EMILIN3: variants seen among roughly 807,000 people sequenced by gnomAD.
EMILIN3 encodes the protein EMILIN-3.
A neutral mutation model predicts 42.8 loss-of-function variants in EMILIN3; 38 were observed. The observed-to-expected ratio is 0.89, with a 90% confidence interval of 0.69 to 1.16. The LOEUF (loss-of-function observed/expected upper bound fraction) is 1.16. Ranked by LOEUF, EMILIN3 falls within the 50% of genes most tolerant of loss-of-function variation. EMILIN3 has a pLI of 0.00. For missense variants in EMILIN3, 924 were observed against 999.5 expected, an observed-to-expected ratio of 0.92 and a Z score of 1.02; for synonymous variants, 430 against 440.5, an observed-to-expected ratio of 0.98 and a Z score of 0.30.
Position 41,366,478 on chromosome 20 carries a change from C to T in EMILIN3, c.157G>A (p.Gly53Arg). Residue 53 changes from glycine to arginine, a missense_variant, in exon 1 of 4, where the codon GGG (glycine) becomes AGG (arginine). Coordinates refer to ENST00000332312, the MANE Select transcript of EMILIN3 (RefSeq NM_052846.2). This position sits in a 1 kb window ranked among gnomAD's most constrained non-coding sequence, Gnocchi z 4.2. ...TTGWRPRLRP[G>R]PHKALCAYVV... ...CCCGCCCGCGCTTACTTGTGCGGCC[C>T]CGGGCGCAGCCGCGGGCGCCATCCC... is the stretch of plus-strand genomic sequence containing the variant. 4.4e-6 allele frequency: 5 copies of T among 1,142,772 alleles called. No homozygotes were observed. Among genetic ancestry groups the T allele is most frequent in the Non-Finnish European group, 5.4e-6 (5 of 931,754 alleles). 70.8% of individuals were successfully genotyped at this position (1,142,772 alleles called of 1,614,324 possible). A position where few individuals can be genotyped will look rare whatever the true frequency, so the allele number is the denominator to read the frequency against.
Position 41,366,097 on chromosome 20 carries a change from C to G in EMILIN3, c.167+371G>C, listed in dbSNP as rs1600756957. Among the ~76,000 whole-genome samples, 1 of 152,124 alleles carries G rather than the reference C, an allele frequency of 6.6e-6. No individual in the cohort carries two copies. Among genetic ancestry groups the G allele is most frequent in the Non-Finnish European group, 1.5e-5 (1 of 67,994 alleles). ...CAGGGGAGAGAAGGGAGGCCCGGGG[C>G]GGGGGAGCCCCGCGTGCTCAGCGCG... is the stretch of plus-strand genomic sequence containing the variant. On this transcript the variant is annotated intron_variant, in intron 1 of 3. Transcript: ENST00000332312. The surrounding 1 kb of genome is among the most constrained non-coding windows in gnomAD (Gnocchi z 4.2).
At chr20:41,365,810 G>T (rs933452047) in intron 1 of EMILIN3, among the ~76,000 whole-genome samples, 21 of 150,984 alleles carry the variant, frequency 1.4e-4, no homozygotes, top group African/African-American at 4.3e-4. Flanking sequence ...AGGCCAGTTC[G>T]CAAGCCACTG....
chr20:41,363,585 C>T (rs2046378697), intron 3 of EMILIN3, 53 bp downstream of exon 3: 1 of 1,520,822 alleles, frequency 6.6e-7, no homozygotes, highest in Non-Finnish European at 8.9e-7. Context: ...CTGCCCCTGC[C>T]ACTGAGCCCA....
intron 2 of EMILIN3, among the ~76,000 whole-genome samples, chr20:41,364,661 C>T (rs1210371357): frequency 6.6e-6 from 1 of 152,202 alleles, no homozygotes; most frequent in Non-Finnish European, 1.5e-5. Flanking sequence ...CCAGGCCCCC[C>T]TGTGGCATCA....
At position 41,361,272 on chromosome 20, in the gene EMILIN3, T is replaced by G; in HGVS notation, c.2297A>C (p.Asn766Thr). The change falls in exon 4 of 4, where the codon AAC becomes ACC. Residue 766 changes from asparagine to threonine, a missense_variant. By Grantham distance (65) the Asn-to-Thr change is moderately conservative. Transcript: ENST00000332312. ...LAEQVRPGQA[N>T] ...GTTGGGTCCTGGCCAGCCTGTCTAG[T>G]TGGCTTGCCCTGGCCGCACCTGCTC... is the stretch of plus-strand genomic sequence containing the variant. The G allele has an allele frequency of 6.3e-7, 1 of 1,581,600 alleles. No homozygotes were observed. The highest frequency in any genetic ancestry group is 1.7e-5 in the Admixed American group (1 of 58,808).
chr20:41,361,804 C>T lies in EMILIN3; in HGVS notation c.1765G>A (p.Val589Ile), dbSNP rs1399922757. 2 of 1,613,608 alleles carry T rather than the reference C, an allele frequency of 1.2e-6. No homozygotes were observed. The highest frequency in any genetic ancestry group is 1.7e-6 in the Non-Finnish European group (2 of 1,180,040). ...SLQGEITLLK[V>I]NLNSVSKSLT... ...GACTTGCTCACTGAGTTCAGATTGA[C>T]CTTGAGCAGAGTGATCTCGCCTTGA... is the stretch of plus-strand genomic sequence containing the variant. The change falls in exon 4 of 4, where the codon GTC becomes ATC. Residue 589 changes from valine (V) to isoleucine (I), a missense_variant. Physicochemically the swap from Val to Ile is conservative, Grantham distance 29. Coordinates refer to ENST00000332312, the MANE Select transcript of EMILIN3 (RefSeq NM_052846.2).
rs1451828316 is a variant in EMILIN3 at position 41,361,784 on chromosome 20, G to C, written c.1785C>G (p.Ser595Arg). ...TLLKVNLNSVSKSLTGLSDSV... is the reference protein window; with the variant it reads ...TLLKVNLNSVRKSLTGLSDSV... Reference sequence around the variant, plus strand: ...AGTCACTGAGGCCTGTGAGCGACTTGCTCACTGAGTTCAGATTGACCTTGA... The same window carrying C: ...AGTCACTGAGGCCTGTGAGCGACTTCCTCACTGAGTTCAGATTGACCTTGA... Residue 595 changes from serine to arginine, a missense_variant, in exon 4 of 4, where the codon AGC (serine) becomes AGG (arginine). Transcript: ENST00000332312. The C allele has an allele frequency of 6.2e-7, 1 of 1,613,642 alleles. No homozygotes were observed. The highest frequency in any genetic ancestry group is 1.7e-4 in the Middle Eastern group (1 of 6,060).
Position 41,362,020 on chromosome 20 carries a change from G to A in EMILIN3, c.1549C>T (p.Leu517=). The A allele has an allele frequency of 6.2e-7, 1 of 1,611,722 alleles. No homozygotes were observed. The highest frequency in any genetic ancestry group is 8.5e-7 in the Non-Finnish European group (1 of 1,178,132). Reference sequence around the variant, plus strand: ...GTGCTCGGGGTGCACGAAGTCTCCAGTGAGACCAACCGTTGCTCTAGCACA... The same window carrying A: ...GTGCTCGGGGTGCACGAAGTCTCCAATGAGACCAACCGTTGCTCTAGCACA... The part of the protein sequence containing the change: ...LAVLEQRLVS[L]ETSCTPSTTS... The change falls in exon 4 of 4, where the codon CTG becomes TTG. Residue 517 remains leucine, a synonymous_variant. Coordinates refer to ENST00000332312, the MANE Select transcript of EMILIN3 (RefSeq NM_052846.2).
rs775222521 is a variant in EMILIN3 at position 41,362,048 on chromosome 20, C to T, written c.1521G>A (p.Leu507=). The T allele has an allele frequency of 2.5e-6, 4 of 1,610,870 alleles. No homozygotes were observed. Among genetic ancestry groups the T allele is most frequent in the Non-Finnish European group, 3.4e-6 (4 of 1,177,410 alleles). The part of the protein sequence containing the change: ...RSARPLVQTE[L]AVLEQRLVSL... ...AGACCAACCGTTGCTCTAGCACAGCCAGCTCTGTCTGTACAAGGGGCCGAG... is the reference window on the plus strand; with the variant it reads ...AGACCAACCGTTGCTCTAGCACAGCTAGCTCTGTCTGTACAAGGGGCCGAG... Residue 507 remains leucine (L), a synonymous_variant, in exon 4 of 4, where the codon CTG becomes CTA. Coordinates refer to ENST00000332312, the MANE Select transcript of EMILIN3 (RefSeq NM_052846.2).
chr20:41,362,355 A>G lies in EMILIN3; in HGVS notation c.1214T>C (p.Val405Ala). ...ACCGGGGCCCCTTTGGGTCTCGGTG[A>G]CTGCCTGCAGGGCCCTCTCAAGGCC... ...MDGLERALQA[V>A]TETQRGPGAP... Residue 405 changes from valine (V) to alanine (A), a missense_variant, in exon 4 of 4, where the codon GTC becomes GCC. By Grantham distance (64) the Val-to-Ala change is moderately conservative (BLOSUM62 0). Coordinates refer to ENST00000332312, the MANE Select transcript of EMILIN3 (RefSeq NM_052846.2). 6.2e-7 allele frequency: 1 copy of G among 1,608,326 alleles called. No homozygotes were observed.
Position 41,361,504 on chromosome 20 carries a change from A to G in EMILIN3, c.2065T>C (p.Phe689Leu). ...TCCACTTGTGCCACCCGCTGGTCAA[A>G]GTGTCCCACTGTGTGCTGAAGTTTC... The part of the protein sequence containing the change: ...AQKLQHTVGH[F>L]DQRVAQVEGA... The change falls in exon 4 of 4, where the codon TTT (phenylalanine) becomes CTT (leucine). Residue 689 changes from phenylalanine to leucine, a missense_variant. Physicochemically the swap from Phe to Leu is conservative, Grantham distance 22. Transcript: ENST00000332312. 1 of 1,608,890 alleles carries G rather than the reference A, an allele frequency of 6.2e-7. No homozygotes were observed. The highest frequency in any genetic ancestry group is 1.1e-5 in the South Asian group (1 of 90,986).
Position 41,366,502 on chromosome 20 carries a change from C to G in EMILIN3, c.133G>C (p.Gly45Arg). The change falls in exon 1 of 4, where the codon GGA becomes CGA. Residue 45 changes from glycine (G) to arginine (R), a missense_variant. By Grantham distance (125) the Gly-to-Arg change is moderately radical. Coordinates refer to ENST00000332312, the MANE Select transcript of EMILIN3 (RefSeq NM_052846.2). The surrounding 1 kb of genome is among the most constrained non-coding windows in gnomAD (Gnocchi z 4.2). ...CCCGGGCGCAGCCGCGGGCGCCATC[C>G]CGTCGTGTAGAGACTGTAGCGGGAG... ...GASRYSLYTT[G>R]WRPRLRPGPH... 8.6e-7 allele frequency: 1 copy of G among 1,156,088 alleles called. No homozygotes were observed. Among genetic ancestry groups the G allele is most frequent in the Non-Finnish European group, 1.1e-6 (1 of 940,420 alleles). The allele number at this position is 1,156,088 out of a possible 1,614,324, so 71.6% of individuals were successfully genotyped here.
chr20:41,365,936 A>G (rs2046391222), intron 1 of EMILIN3, among the ~76,000 whole-genome samples: 1 of 152,108 alleles, frequency 6.6e-6, no homozygotes, highest in Non-Finnish European at 1.5e-5. Flanking sequence ...GCCACAGCAC[A>G]GGCCCGGAGC....
chr20:41,361,074 A>T lies in EMILIN3; in HGVS notation c.*194T>A, dbSNP rs1388126835. 2 of 546,030 alleles carry T rather than the reference A, an allele frequency of 3.7e-6. No individual in the cohort carries two copies. The highest frequency in any genetic ancestry group is 6.4e-6 in the Non-Finnish European group (2 of 314,594). The allele number at this position is 546,030 out of a possible 1,614,324, so 33.8% of individuals were successfully genotyped here. A position where few individuals can be genotyped will look rare whatever the true frequency, so the allele number is the denominator to read the frequency against. On this transcript the variant is annotated 3_prime_UTR_variant, in exon 4 of 4. Coordinates refer to ENST00000332312, the MANE Select transcript of EMILIN3 (RefSeq NM_052846.2). Reference sequence around the variant, plus strand: ...ATCCTTGCCTTGACCGCTGTCCGGAACTGTCCAGTTTCTGCAGCACTGTGC... The same window carrying T: ...ATCCTTGCCTTGACCGCTGTCCGGATCTGTCCAGTTTCTGCAGCACTGTGC...
chr20:41,362,866 C>CCACAAG lies in EMILIN3; in HGVS notation c.697_702dup (p.Leu233_Val234dup). The CCACAAG allele has an allele frequency of 6.2e-7, 1 of 1,613,890 alleles. No individual in the cohort carries two copies. The highest frequency in any genetic ancestry group is 8.5e-7 in the Non-Finnish European group (1 of 1,179,884). The stretch of plus-strand genomic sequence containing the variant: ...GGCCCTCTGGCTCTGTCTCCTGGGC[C>CCACAAG]CACAAGCCCCTCAGGGATGACCCCA... On this transcript the variant is annotated inframe_insertion, in exon 4 of 4. Transcript: ENST00000332312.
rs1186919909 is a variant in EMILIN3, at chr20:41,366,547, G to T, written c.88C>A (p.Arg30=). The change falls in exon 1 of 4, where the codon CGG becomes AGG. Residue 30 remains arginine (R), a synonymous_variant. Transcript: ENST00000332312. The surrounding 1 kb of genome is among the most constrained non-coding windows in gnomAD (Gnocchi z 4.2). ...CGGGAGGCACCGGGCGGCGCAGGCC[G>T]CGCCAGGAGCGGGGTGCCCCTGGCC... The part of the protein sequence containing the change: ...AQARGTPLLA[R]PAPPGASRYS... The T allele has an allele frequency of 4.4e-6, 5 of 1,145,866 alleles. No individual in the cohort carries two copies. The African/African-American group carries it at 8.2e-5, about 19-fold the overall frequency. The allele number at this position is 1,145,866 out of a possible 1,614,324, so 71.0% of individuals were successfully genotyped here. A position where few individuals can be genotyped will look rare whatever the true frequency, so the allele number is the denominator to read the frequency against.
chr20:41,361,837 T>C lies in EMILIN3; in HGVS notation c.1732A>G (p.Ser578Gly). Residue 578 changes from serine to glycine, a missense_variant, in exon 4 of 4, where the codon AGC becomes GGC. Transcript: ENST00000332312. ...VQGQLAEGTG[S>G]SLQGEITLLK... ...AGAGTGATCTCGCCTTGAAGTGAGC[T>C]GCCCGTCCCTTCTGCCAGCTGTCCC... 1 of 1,613,584 alleles carries C rather than the reference T, an allele frequency of 6.2e-7. No individual in the cohort carries two copies. Among genetic ancestry groups the C allele is most frequent in the Non-Finnish European group, 8.5e-7 (1 of 1,180,048 alleles).
chr20:41,366,381 C>A lies in EMILIN3; in HGVS notation c.167+87G>T. ...GGCCTCGGGGTGCCCGGGGCCTCGA[C>A]GCCCCCCGCGGGTGCGGGCAGGTGG... is the stretch of plus-strand genomic sequence containing the variant. On this transcript the variant is annotated intron_variant, in intron 1 of 3. Transcript: ENST00000332312. This position sits in a 1 kb window ranked among gnomAD's most constrained non-coding sequence, Gnocchi z 4.2. 9.9e-7 allele frequency: 1 copy of A among 1,007,786 alleles called. No homozygotes were observed. The highest frequency in any genetic ancestry group is 1.2e-6 in the Non-Finnish European group (1 of 827,856). The allele number at this position is 1,007,786 out of a possible 1,614,324, so 62.4% of individuals were successfully genotyped here. A position where few individuals can be genotyped will look rare whatever the true frequency, so the allele number is the denominator to read the frequency against.
rs1464556342 is a variant in EMILIN3 at position 41,361,963 on chromosome 20, C to T, written c.1606G>A (p.Glu536Lys). The T allele has an allele frequency of 6.2e-7, 1 of 1,612,250 alleles. No homozygotes were observed. The highest frequency in any genetic ancestry group is 1.3e-5 in the African/African-American group (1 of 74,928). The change falls in exon 4 of 4, where the codon GAG (glutamate) becomes AAG (lysine). Residue 536 changes from glutamate to lysine, a missense_variant. Glu to Lys is a moderately conservative substitution (Grantham distance 56). Coordinates refer to ENST00000332312, the MANE Select transcript of EMILIN3 (RefSeq NM_052846.2). ...CTCCGGCTCTGCCAGGCCTTCACCT[C>T]TGCCACGAGGCTGTCCAGGATGGCT... The part of the protein sequence containing the change: ...TSAILDSLVA[E>K]VKAWQSRSEA...
Sources: allele counts gnomAD v4.1 joint callset (sites outside exome capture counted in the v4.1 genomes callset), GRCh38; gene constraint gnomAD v4.1.1; non-coding constraint Gnocchi (gnomAD v3.1); transcripts MANE v1.5; gene names NCBI Gene and HGNC (gene_info 2026-07-23, HGNC 2026-07-21).